The following SLC9A9 variants were observed in gnomAD, a reference collection of about 807,000 sequenced individuals.
SLC9A9 encodes the protein solute carrier family 9 member A9.
In SLC9A9, 62 loss-of-function variants were observed where a neutral mutation model predicts 77.8. That is an observed-to-expected ratio of 0.80 (90% CI 0.65 to 0.98). The LOEUF (loss-of-function observed/expected upper bound fraction) is 0.98. Ranked by LOEUF, SLC9A9 falls within the 50% of genes least tolerant of loss-of-function variation. The pLI, the probability that SLC9A9 is intolerant of heterozygous loss-of-function variation, is 0.00. For missense variants in SLC9A9, 775 were observed against 774.9 expected (o/e 1.00, Z 0.00); for synonymous variants, 320 against 283.5 (o/e 1.13, Z -1.29).
chr3:143,726,224 TTAAAA>T (rs1934649167), intron 4 of SLC9A9, among the ~76,000 whole-genome samples: 1 of 118,516 alleles, frequency 8.4e-6, no homozygotes, highest in Non-Finnish European at 1.8e-5. Flanking sequence ...ACCCCTGAAC[TTAAAA>T]TAAAAGTTGG....
At chr3:143,845,392 A>G (rs940475681) in intron 1 of SLC9A9, among the ~76,000 whole-genome samples, 1 of 152,218 alleles carries the variant, frequency 6.6e-6, no homozygotes, top group African/African-American at 2.4e-5. Context: ...GTAGTTTCAG[A>G]CTATTTTATT....
intron 12 of SLC9A9, among the ~76,000 whole-genome samples, chr3:143,417,828 C>T (rs753953087): frequency 5.3e-5 from 8 of 151,994 alleles, no homozygotes; most frequent in Non-Finnish European, 7.4e-5. Context: ...CAATAACTCC[C>T]CCCATATGGC....
chr3:143,798,936 G>A (rs2008469594), intron 2 of SLC9A9, among the ~76,000 whole-genome samples: 1 of 151,780 alleles, frequency 6.6e-6, no homozygotes, highest in African/African-American at 2.4e-5. Context: ...GCTGCTCCTT[G>A]CCAGGCTGAG....
intron 11 of SLC9A9, among the ~76,000 whole-genome samples, chr3:143,487,330 G>A (rs776472188): frequency 2.0e-5 from 3 of 151,782 alleles, no homozygotes; most frequent in Non-Finnish European, 3.0e-5. Context: ...ATAATAGTTG[G>A]AGACTTAAAT....
chr3:143,757,676 C>A (rs1370294358), intron 4 of SLC9A9, among the ~76,000 whole-genome samples: 1 of 152,166 alleles, frequency 6.6e-6, no homozygotes, highest in African/African-American at 2.4e-5. Flanking sequence ...CCTACTTATC[C>A]AGGGTAAGAA....
intron 9 of SLC9A9, among the ~76,000 whole-genome samples, chr3:143,545,336 C>A (rs112965683): frequency 0.05 from 7,621 of 152,158 alleles, 320 homozygotes; most frequent in African/African-American, 0.11. Flanking sequence ...TGTTGTGCAT[C>A]CCTCCATGTT....
At chr3:143,680,969 T>C (rs1305533389) in intron 5 of SLC9A9, among the ~76,000 whole-genome samples, 2 of 152,156 alleles carry the variant, frequency 1.3e-5, no homozygotes, top group Non-Finnish European at 2.9e-5. Context: ...ATTTATTCCC[T>C]GACATTTTCC....
At chr3:143,281,084 A>G (rs992214853) in intron 14 of SLC9A9, among the ~76,000 whole-genome samples, 1 of 152,150 alleles carries the variant, frequency 6.6e-6, no homozygotes, top group Non-Finnish European at 1.5e-5. Flanking sequence ...CCAATGTGCT[A>G]TGGTTATAAA....
At chr3:143,308,201 C>T (rs899928551) in intron 14 of SLC9A9, among the ~76,000 whole-genome samples, 11 of 152,048 alleles carry the variant, frequency 7.2e-5, no homozygotes, top group Admixed American at 1.3e-4. Context: ...TCTATTGACA[C>T]GTATATAAAA....
chr3:143,813,837 C>T (rs1420287904), intron 2 of SLC9A9, among the ~76,000 whole-genome samples: 2 of 152,072 alleles, frequency 1.3e-5, no homozygotes, highest in African/African-American at 4.8e-5. Context: ...ATTACCTAGT[C>T]AAAAATATAT....
chr3:143,705,043 ATAG>A (rs1933931044), intron 4 of SLC9A9, among the ~76,000 whole-genome samples: 1 of 39,046 alleles, frequency 2.6e-5, no homozygotes, highest in Non-Finnish European at 6.2e-5. Context: ...ATCTATCTAT[ATAG>A]ATATAGATAT....
At chr3:143,412,235 C>T (rs1576479789) in intron 12 of SLC9A9, among the ~76,000 whole-genome samples, 1 of 152,108 alleles carries the variant, frequency 6.6e-6, no homozygotes, top group Admixed American at 6.5e-5. Flanking sequence ...CCTGAACTTG[C>T]TCTCCCTGAC....
At chr3:143,676,820 C>T (rs113110696) in intron 5 of SLC9A9, among the ~76,000 whole-genome samples, 75 of 152,258 alleles carry the variant, frequency 4.9e-4, no homozygotes, top group African/African-American at 1.7e-3. Context: ...CTCCATTGAA[C>T]CTCTCTGCCA....
chr3:143,621,821 T>C (rs1295366616), intron 6 of SLC9A9, among the ~76,000 whole-genome samples: 1 of 151,864 alleles, frequency 6.6e-6, no homozygotes, highest in Admixed American at 6.6e-5. Flanking sequence ...TACCCTGAGC[T>C]AAAGGAGAAA....
At chr3:143,683,437 A>C (rs2121770) in intron 5 of SLC9A9, among the ~76,000 whole-genome samples, 1 of 151,742 alleles carries the variant, frequency 6.6e-6, no homozygotes, top group African/African-American at 2.4e-5. Context: ...TAGCATTTTT[A>C]AAAAAGGTAG....
chr3:143,464,150 G>T (rs191275332), intron 12 of SLC9A9, among the ~76,000 whole-genome samples: 1 of 152,138 alleles, frequency 6.6e-6, no homozygotes, highest in Non-Finnish European at 1.5e-5. Flanking sequence ...GTTTGTCTTC[G>T]TGTCTCTTGG....
chr3:143,680,189 C>G (rs1933040141), intron 5 of SLC9A9, among the ~76,000 whole-genome samples: 1 of 151,888 alleles, frequency 6.6e-6, no homozygotes, highest in Non-Finnish European at 1.5e-5. Context: ...ACTTTTATGT[C>G]TAAACAAATT....
intron 9 of SLC9A9, among the ~76,000 whole-genome samples, chr3:143,543,434 T>C (rs980068509): frequency 1.3e-5 from 2 of 152,112 alleles, no homozygotes; most frequent in African/African-American, 4.8e-5. Context: ...ACGTGTACTT[T>C]TGTTACATGG....
At chr3:143,308,466 C>T (rs888582739) in intron 14 of SLC9A9, among the ~76,000 whole-genome samples, 3 of 151,950 alleles carry the variant, frequency 2.0e-5, no homozygotes, top group African/African-American at 7.3e-5. Context: ...GTCCCAGCTA[C>T]TTGGGAGGCT....
Sources: gnomAD v4.1 joint callset for allele counts (sites outside exome capture counted in the v4.1 genomes callset) on GRCh38, gnomAD v4.1.1 for gene constraint, MANE v1.5 for transcripts, NCBI Gene and HGNC (gene_info 2026-07-23, HGNC 2026-07-21) for gene names.